The following COL4A6 variants were observed in gnomAD, a reference collection of about 807,000 sequenced individuals.
The protein encoded by COL4A6 is collagen alpha-6(IV) chain.
Under a neutral mutation model 126.7 loss-of-function variants are expected in COL4A6, and 59 were observed. That is an observed-to-expected ratio of 0.47 (90% CI 0.38 to 0.58). The LOEUF (loss-of-function observed/expected upper bound fraction) is 0.58, where lower values mean the gene tolerates loss of function less well. Ranked by LOEUF, COL4A6 falls within the 20% of genes least tolerant of loss-of-function variation. The probability of loss-of-function intolerance (pLI) is 0.00; values close to 1 mark genes in which losing one functional copy is unlikely to be tolerated. For synonymous variants in COL4A6, 547 were observed against 496.6 expected, an observed-to-expected ratio of 1.10 and a Z score of -1.35; for missense variants, 1,285 against 1,337.3, an observed-to-expected ratio of 0.96 and a Z score of 0.61.
intron 3 of COL4A6, among the ~76,000 whole-genome samples, chrX:108,307,246 C>T (rs2038648563): frequency 9.0e-6 from 1 of 111,682 alleles, no homozygotes; most frequent in African/African-American, 3.3e-5. Flanking sequence ...CACTATGAGG[C>T]AGGTCATTTT....
In COL4A6 at chrX:108,165,031, T is replaced by G. The variant is rs923188604; in HGVS notation, c.3816A>C (p.Pro1272=). 1.2e-5 allele frequency: 15 copies of G among 1,202,213 alleles called. No individual in the cohort carries two copies. The highest frequency in any genetic ancestry group is 1.5e-5 in the Non-Finnish European group (13 of 892,773). Residue 1272 remains proline, a synonymous_variant, in exon 39 of 45, where the codon CCA becomes CCC. Transcript: ENST00000334504. ...GGGGACCTGGGGGTCCAGCGGGGCC[T>G]GGGCGGCCTAGGGATAAGATCGGAA... is the stretch of plus-strand genomic sequence containing the variant. ...RPGLDGERGR[P]GPAGPPGPPG...
At chrX:108,432,293 A>G (rs1226152905) in intron 2 of COL4A6, among the ~76,000 whole-genome samples, 1 of 112,504 alleles carries the variant, frequency 8.9e-6, no homozygotes, top group Non-Finnish European at 1.9e-5. Context: ...TTACAAAACT[A>G]TGTATGTTAT....
intron 2 of COL4A6, among the ~76,000 whole-genome samples, chrX:108,376,534 G>A (rs1327735743): frequency 8.9e-6 from 1 of 112,069 alleles, no homozygotes; most frequent in Admixed American, 9.4e-5. Context: ...AACCCAAAAG[G>A]TGGAGGTTGC....
intron 3 of COL4A6, among the ~76,000 whole-genome samples, chrX:108,247,737 C>T (rs2036750986): frequency 9.0e-6 from 1 of 111,283 alleles, no homozygotes; most frequent in African/African-American, 3.3e-5. Context: ...AACTTGTTTC[C>T]CTGCTTCTAC....
intron 2 of COL4A6, among the ~76,000 whole-genome samples, chrX:108,374,505 T>G (rs1187913539): frequency 8.9e-6 from 1 of 111,977 alleles, no homozygotes; most frequent in Non-Finnish European, 1.9e-5. Flanking sequence ...GACATTTTAG[T>G]ATTCAAAGGT....
intron 3 of COL4A6, among the ~76,000 whole-genome samples, chrX:108,244,411 G>C: frequency 8.9e-6 from 1 of 111,743 alleles, no homozygotes; most frequent in Non-Finnish European, 1.9e-5. Flanking sequence ...TGTGAGCTCA[G>C]TTTACTTAGG....
chrX:108,259,011 G>T (rs1308901866), intron 3 of COL4A6, among the ~76,000 whole-genome samples: 1 of 111,198 alleles, frequency 9.0e-6, no homozygotes, highest in African/African-American at 3.3e-5. Context: ...CACAATTTTG[G>T]AATAAGAATA....
intron 44 of COL4A6, 35 bp from the exon 45 acceptor site, chrX:108,157,295 C>A: frequency 8.4e-7 from 1 of 1,190,829 alleles, no homozygotes; most frequent in Non-Finnish European, 1.1e-6. Flanking sequence ...ATGAGCTGTG[C>A]CTGCCAAGGG....
chrX:108,368,677 A>G (rs1364950128), intron 2 of COL4A6, among the ~76,000 whole-genome samples: 1 of 112,219 alleles, frequency 8.9e-6, no homozygotes, highest in Non-Finnish European at 1.9e-5. Context: ...CACACACTGT[A>G]CAGCTGTACA....
chrX:108,405,555 G>A (rs1450036585), intron 2 of COL4A6, among the ~76,000 whole-genome samples: 1 of 111,300 alleles, frequency 9.0e-6, no homozygotes, highest in Non-Finnish European at 1.9e-5. Context: ...TTTGGTGTAA[G>A]CACTCAAGAA....
intron 2 of COL4A6, among the ~76,000 whole-genome samples, chrX:108,311,598 C>T (rs2038761532): frequency 9.0e-6 from 1 of 111,446 alleles, no homozygotes; most frequent in Non-Finnish European, 1.9e-5. Flanking sequence ...AGGGCCTCTG[C>T]CCTCGCTGTT....
chrX:108,333,070 A>G (rs1001371422), intron 2 of COL4A6, among the ~76,000 whole-genome samples: 1 of 110,966 alleles, frequency 9.0e-6, no homozygotes, highest in African/African-American at 3.3e-5. Context: ...TTCCAGCCTT[A>G]TTTATTGATA....
intron 40 of COL4A6, 41 bp from the exon 41 acceptor site, chrX:108,163,079 A>G: frequency 8.6e-7 from 1 of 1,164,857 alleles, no homozygotes; most frequent in Non-Finnish European, 1.1e-6. Context: ...AGGCTGAGGC[A>G]GAGGGAGGTG....
chrX:108,335,121 C>T (rs1485199124), intron 2 of COL4A6, among the ~76,000 whole-genome samples: 1 of 112,119 alleles, frequency 8.9e-6, no homozygotes, highest in Non-Finnish European at 1.9e-5. Context: ...ATTTGATATT[C>T]TTTCAGGCCT....
At chrX:108,432,528 G>A (rs190061692) in intron 2 of COL4A6, among the ~76,000 whole-genome samples, 1 of 112,259 alleles carries the variant, frequency 8.9e-6, no homozygotes, top group African/African-American at 3.2e-5. Flanking sequence ...CCCTAGTGAG[G>A]TATAATGTCT....
At position 108,392,457 on chromosome X, in the gene COL4A6, GA is replaced by G. The variant is rs368727247; in HGVS notation, c.63+45484del. Among the ~76,000 whole-genome samples the G allele has an allele frequency of 7.8e-3, 723 of 92,593 alleles. 2 individuals are homozygous for G. Among genetic ancestry groups the G allele is most frequent in the East Asian group, 0.04 (117 of 2,960 alleles). The allele number at this position is 92,593 out of a possible 115,157, so 80.4% of individuals were successfully genotyped here. A position where few individuals can be genotyped will look rare whatever the true frequency, so the allele number is the denominator to read the frequency against. On this transcript the variant is annotated intron_variant, in intron 2 of 44. Transcript: ENST00000334504. ...CCAATTAAAAATGGACAAATGATCT[GA>G]AAAAAAAAAAAACTGTTCTCCAAAG...
chrX:108,193,137 C>G (rs758463923), intron 17 of COL4A6, among the ~76,000 whole-genome samples: 1 of 111,804 alleles, frequency 8.9e-6, no homozygotes, highest in African/African-American at 3.3e-5. Context: ...CACAAAATAA[C>G]TAGGACAAGG....
intron 37 of COL4A6, among the ~76,000 whole-genome samples, chrX:108,165,716 T>C (rs778687067): frequency 3.6e-5 from 4 of 112,260 alleles, no homozygotes; most frequent in African/African-American, 1.3e-4. Flanking sequence ...TGCATTTTAT[T>C]GGAAAGTTCT....
chrX:108,255,946 T>C (rs2036992426), intron 3 of COL4A6, among the ~76,000 whole-genome samples: 1 of 111,056 alleles, frequency 9.0e-6, no homozygotes, highest in African/African-American at 3.3e-5. Context: ...CAAGAGGTGG[T>C]ACGTAAAGTA....
Sources: allele counts gnomAD v4.1 joint callset (sites outside exome capture counted in the v4.1 genomes callset), GRCh38; gene constraint gnomAD v4.1.1; transcripts MANE v1.5; gene names NCBI Gene and HGNC (gene_info 2026-07-23, HGNC 2026-07-21).